The following UBAP1 variants were observed in gnomAD, a reference collection of about 807,000 sequenced individuals.
UBAP1 encodes ubiquitin associated protein 1, also known as ubiquitin-associated protein 1.
Under a neutral mutation model 39.0 loss-of-function variants are expected in UBAP1, and 5 were observed. That is an observed-to-expected ratio of 0.13 (90% CI 0.07 to 0.27). The LOEUF is 0.27. Ranked by LOEUF, UBAP1 falls within the 10% of genes least tolerant of loss-of-function variation. The probability of loss-of-function intolerance (pLI) is 1.00; values close to 1 mark genes in which losing one functional copy is unlikely to be tolerated. For synonymous variants in UBAP1, 211 were observed against 225.1 expected (o/e 0.94, Z 0.56); for missense variants, 490 against 608.1 (o/e 0.81, Z 2.04).
intron 6 of UBAP1, 168 bp downstream of exon 6, chr9:34,250,927 G>A (rs1171596814): frequency 1.5e-5 from 10 of 649,678 alleles, no homozygotes; most frequent in South Asian, 4.8e-5. Flanking sequence ...CGAGGCCTGC[G>A]TTTGGCTTGG....
chr9:34,247,399 C>T (rs997456627), intron 4 of UBAP1, among the ~76,000 whole-genome samples: 1 of 152,110 alleles, frequency 6.6e-6, no homozygotes, highest in Non-Finnish European at 1.5e-5. Flanking sequence ...AGAGCATGTA[C>T]AATTAATAAA....
intron 1 of UBAP1, among the ~76,000 whole-genome samples, chr9:34,214,908 C>T (rs1832214127): frequency 6.6e-6 from 1 of 152,094 alleles, no homozygotes; most frequent in African/African-American, 2.4e-5. Context: ...GGGAAGTGCA[C>T]ATCAAAACCA....
At position 34,241,769 on chromosome 9, in the gene UBAP1, G is replaced by C; in HGVS notation, c.744G>C (p.Leu248=). Residue 248 remains leucine (L), a synonymous_variant, in exon 4 of 7, where the codon CTG becomes CTC. Coordinates refer to ENST00000297661, the MANE Select transcript of UBAP1 (RefSeq NM_016525.5). ...PQLGNCEKMS[L]SSKVSLPPIP... ...TGGGCAACTGTGAAAAGATGTCACT[G>C]TCTTCCAAAGTGTCCCTCCCCCCTA... The C allele has an allele frequency of 6.2e-7, 1 of 1,614,050 alleles. No homozygotes were observed. Among genetic ancestry groups the C allele is most frequent in the Non-Finnish European group, 8.5e-7 (1 of 1,179,996 alleles).
intron 1 of UBAP1, among the ~76,000 whole-genome samples, chr9:34,209,731 C>T (rs909968374): frequency 1.1e-4 from 16 of 151,768 alleles, no homozygotes; most frequent in African/African-American, 1.7e-4. Context: ...TTTTTTCCAG[C>T]GCTCTGTTGA....
At chr9:34,227,979 A>G (rs1185966767) in intron 2 of UBAP1, among the ~76,000 whole-genome samples, 2 of 152,068 alleles carry the variant, frequency 1.3e-5, no homozygotes, top group East Asian at 3.9e-4. Context: ...AATTTAAAAA[A>G]TTAGCTGGGC....
intron 2 of UBAP1, among the ~76,000 whole-genome samples, chr9:34,226,104 A>ATT (rs1376153579): frequency 8.2e-5 from 3 of 36,510 alleles, no homozygotes; most frequent in Non-Finnish European, 1.8e-4. Context: ...CTCCTACTCT[A>ATT]TTGTGTGTGT....
chr9:34,241,819 C>T lies in UBAP1; in HGVS notation c.794C>T (p.Ser265Phe), dbSNP rs1392212814. Reference sequence around the variant, plus strand: ...ATACCTGCAGTAAGCAATATCAAATCCCTGTCTTTCCCCAAACTTGACTCT... The same window carrying T: ...ATACCTGCAGTAAGCAATATCAAATTCCTGTCTTTCCCCAAACTTGACTCT... ...PPIPAVSNIKSLSFPKLDSDD... is the reference protein window; with the variant it reads ...PPIPAVSNIKFLSFPKLDSDD... Residue 265 changes from serine to phenylalanine, a missense_variant, in exon 4 of 7, where the codon TCC (serine) becomes TTC (phenylalanine). Transcript: ENST00000297661. 4 of 1,614,114 alleles carry T rather than the reference C, an allele frequency of 2.5e-6. No homozygotes were observed. Among genetic ancestry groups the T allele is most frequent in the Middle Eastern group, 1.6e-4 (1 of 6,062 alleles).
chr9:34,250,052 AC>A, intron 5 of UBAP1, 91 bp downstream of exon 5: 1 of 1,365,398 alleles, frequency 7.3e-7, no homozygotes. Flanking sequence ...GACTTGTAGC[AC>A]CAACCTCCTT....
intron 1 of UBAP1, among the ~76,000 whole-genome samples, chr9:34,202,624 C>CCTCTGTGTGTGTGTGTGTGTGT (rs1491103579): frequency 2.2e-4 from 24 of 107,362 alleles, no homozygotes; most frequent in African/African-American, 8.2e-4. Context: ...TAGACAGAAA[C>CCTCTGTGTGTGTGTGTGTGTGT]GTGTGTGTGT....
intron 4 of UBAP1, among the ~76,000 whole-genome samples, chr9:34,246,613 T>C (rs1401169879): frequency 6.6e-6 from 1 of 152,232 alleles, no homozygotes; most frequent in East Asian, 1.9e-4. Context: ...TTGCCAGCAG[T>C]GTGACTAAAG....
intron 1 of UBAP1, among the ~76,000 whole-genome samples, chr9:34,186,115 A>G (rs1830393954): frequency 6.6e-6 from 1 of 152,088 alleles, no homozygotes; most frequent in Non-Finnish European, 1.5e-5. Context: ...GTTTTAAAGT[A>G]ATACCATTGT....
At chr9:34,179,849 G>C (rs1829915266) in intron 1 of UBAP1, among the ~76,000 whole-genome samples, 2 of 152,102 alleles carry the variant, frequency 1.3e-5, no homozygotes, top group Non-Finnish European at 2.9e-5. Context: ...TGGAACGTCA[G>C]GTTCATTTAT....
intron 1 of UBAP1, among the ~76,000 whole-genome samples, chr9:34,210,548 A>G (rs1158511395): frequency 2.0e-5 from 3 of 151,022 alleles, no homozygotes; most frequent in Non-Finnish European, 4.4e-5. Context: ...GCAAAAACCC[A>G]TCTCTACTAA....
At chr9:34,184,353 C>T (rs1034823717) in intron 1 of UBAP1, among the ~76,000 whole-genome samples, 14 of 150,698 alleles carry the variant, frequency 9.3e-5, no homozygotes, top group South Asian at 2.1e-4. Context: ...CGCTCTGGGC[C>T]GGGCGCGGTG....
At chr9:34,203,535 G>A (rs1349939818) in intron 1 of UBAP1, among the ~76,000 whole-genome samples, 1 of 152,136 alleles carries the variant, frequency 6.6e-6, no homozygotes, top group African/African-American at 2.4e-5. Flanking sequence ...AGTGCATAAA[G>A]GCAAGTGGGG....
At chr9:34,209,851 C>T (rs1831921220) in intron 1 of UBAP1, among the ~76,000 whole-genome samples, 1 of 152,050 alleles carries the variant, frequency 6.6e-6, no homozygotes, top group African/African-American at 2.4e-5. Context: ...TAAATGTATG[C>T]ATCTATGCTC....
intron 1 of UBAP1, among the ~76,000 whole-genome samples, chr9:34,199,166 C>T (rs560899129): frequency 3.1e-4 from 47 of 152,236 alleles, no homozygotes; most frequent in African/African-American, 1.1e-3. Flanking sequence ...CTCTGCCTCC[C>T]GGGTTCAAGC....
intron 1 of UBAP1, among the ~76,000 whole-genome samples, chr9:34,206,401 T>A (rs1587820592): frequency 1.3e-5 from 2 of 152,244 alleles, no homozygotes; most frequent in African/African-American, 4.8e-5. Context: ...TCCCAGCTAC[T>A]CAGGAGGCTG....
Position 34,242,036 on chromosome 9 carries a change from C to T in UBAP1, c.1011C>T (p.Ser337=), listed in dbSNP as rs745811521. The part of the protein sequence containing the change: ...DSGTEMPALT[S]SQMPSLSVLS... ...GCACAGAGATGCCAGCCCTGACATC[C>T]TCCCAGATGCCTTCCCTCTCTGTTT... The change falls in exon 4 of 7, where the codon TCC becomes TCT. Residue 337 remains serine (S), a synonymous_variant. Coordinates refer to ENST00000297661, the MANE Select transcript of UBAP1 (RefSeq NM_016525.5). The T allele has an allele frequency of 6.2e-7, 1 of 1,614,180 alleles. No homozygotes were observed. Among genetic ancestry groups the T allele is most frequent in the South Asian group, 1.1e-5 (1 of 91,084 alleles).
Sources: gnomAD v4.1 joint callset for allele counts (sites outside exome capture counted in the v4.1 genomes callset) on GRCh38, gnomAD v4.1.1 for gene constraint, MANE v1.5 for transcripts, NCBI Gene and HGNC (gene_info 2026-07-23, HGNC 2026-07-21) for gene names.